Variants in SEMA6A observed in about 807,000 individuals in gnomAD.
SEMA6A encodes the protein semaphorin-6A.
A neutral mutation model predicts 96.8 loss-of-function variants in SEMA6A; 25 were observed. The observed-to-expected ratio is 0.26, with a 90% CI of 0.19 to 0.36. SEMA6A has a LOEUF of 0.36. Among genes scored for constraint, SEMA6A ranks in the 10% least tolerant of loss-of-function variants. The probability of loss-of-function intolerance (pLI) is 1.00; values close to 1 mark genes in which losing one functional copy is unlikely to be tolerated. For missense variants in SEMA6A, 1,363 were observed against 1,323.1 expected (o/e 1.03, Z -0.47); for synonymous variants, 612 against 518.0 (o/e 1.18, Z -2.46).
chr5:116,448,196 A>AAAAAAAAAAAAAAAAAAT lies in SEMA6A; in HGVS notation c.1895-386_1895-385insATTTTTTTTTTTTTTTTT, dbSNP rs780426357. On this transcript the variant is annotated intron_variant, in intron 18 of 18. Transcript: ENST00000343348. Reference sequence around the variant, plus strand: ...AAAAAAAAAAAAAAAAAAAAAAAAAATTAGCCAGGCGCGGTGGCGGGGGCT... The same window carrying AAAAAAAAAAAAAAAAAAT: ...AAAAAAAAAAAAAAAAAAAAAAAAAAAAAAAAAAAAAAAAAAATTTAGCCAGGCGCGGTGGCGGGGGCT... Among the ~76,000 whole-genome samples, 193 of 138,664 alleles carry AAAAAAAAAAAAAAAAAAT rather than the reference A, an allele frequency of 1.4e-3. 4 individuals carry two copies. The highest frequency in any genetic ancestry group is 5.2e-3 in the African/African-American group (185 of 35,624). The allele number at this position is 138,664 out of a possible 152,430, so 91.0% of individuals were successfully genotyped here.
chr5:116,547,734 T>TAA (rs34908253), intron 1 of SEMA6A, among the ~76,000 whole-genome samples: 5,679 of 65,448 alleles, frequency 0.087, 386 homozygotes, highest in African/African-American at 0.11. Context: ...ATCTGATACT[T>TAA]AAAAAAAAAA....
intron 1 of SEMA6A, among the ~76,000 whole-genome samples, chr5:116,514,282 T>C (rs1182571064): frequency 6.6e-6 from 1 of 152,198 alleles, no homozygotes; most frequent in African/African-American, 2.4e-5. Context: ...CTCCACAACC[T>C]TGCTAGTATC....
intron 1 of SEMA6A, among the ~76,000 whole-genome samples, chr5:116,569,931 G>C (rs1475772602): frequency 6.6e-6 from 1 of 152,328 alleles, no homozygotes; most frequent in East Asian, 1.9e-4. Flanking sequence ...GTCCAGGAGA[G>C]AGGTCTAAGC....
intron 18 of SEMA6A, among the ~76,000 whole-genome samples, chr5:116,452,224 A>G (rs986449587): frequency 4.6e-5 from 7 of 152,216 alleles, no homozygotes; most frequent in Non-Finnish European, 8.8e-5. Flanking sequence ...AAAATGGGGC[A>G]TTAGTAATGA....
intron 6 of SEMA6A, among the ~76,000 whole-genome samples, chr5:116,493,177 A>T (rs1757415032): frequency 6.6e-6 from 1 of 152,218 alleles, no homozygotes; most frequent in Non-Finnish European, 1.5e-5. Flanking sequence ...ATGTACAGGA[A>T]GAATAAGCCA....
chr5:116,452,424 T>C (rs570871633), intron 18 of SEMA6A, among the ~76,000 whole-genome samples: 2 of 150,774 alleles, frequency 1.3e-5, no homozygotes, highest in South Asian at 2.1e-4. Context: ...CTCCACTGTT[T>C]TTTTTTTTTT....
chr5:116,451,124 C>T (rs7707574), intron 18 of SEMA6A, among the ~76,000 whole-genome samples: 27,634 of 152,026 alleles, frequency 0.18, 2,705 homozygotes, highest in East Asian at 0.38. Context: ...CTCTGGGCCT[C>T]AGTTTTTTTA....
Position 116,446,371 on chromosome 5 carries a change from G to T in SEMA6A, c.*242C>A. 1 of 434,104 alleles carries T rather than the reference G, an allele frequency of 2.3e-6. No homozygotes were observed. Among genetic ancestry groups the T allele is most frequent in the Admixed American group, 3.9e-5 (1 of 25,416 alleles). The allele number at this position is 434,104 out of a possible 1,614,324, so 26.9% of individuals were successfully genotyped here. A position where few individuals can be genotyped will look rare whatever the true frequency, so the allele number is the denominator to read the frequency against. On this transcript the variant is annotated 3_prime_UTR_variant, in exon 19 of 19. Transcript: ENST00000343348. ...CTTTTGTGGGTCCGACCTGTTGTAG[G>T]GTGTGGGGGAAAGTGAAGGAAGAGA...
chr5:116,508,900 G>A (rs530778348), intron 1 of SEMA6A, among the ~76,000 whole-genome samples: 4 of 152,286 alleles, frequency 2.6e-5, no homozygotes, highest in African/African-American at 4.8e-5. Context: ...GGACATCAAC[G>A]TTGCTGCGTG....
At chr5:116,470,183 T>C (rs904855478) in intron 17 of SEMA6A, among the ~76,000 whole-genome samples, 2 of 152,186 alleles carry the variant, frequency 1.3e-5, no homozygotes, top group Non-Finnish European at 2.9e-5. Context: ...AGATGTGTTA[T>C]TACCTCTCCA....
At chr5:116,534,028 T>G (rs1759606889) in intron 1 of SEMA6A, among the ~76,000 whole-genome samples, 1 of 152,222 alleles carries the variant, frequency 6.6e-6, no homozygotes, top group African/African-American at 2.4e-5. Context: ...TTTCTTCCCT[T>G]GAGGGAAAAG....
chr5:116,505,383 A>G (rs949190578), intron 1 of SEMA6A, among the ~76,000 whole-genome samples: 1 of 151,914 alleles, frequency 6.6e-6, no homozygotes, highest in African/African-American at 2.4e-5. Flanking sequence ...AAATCAAAAT[A>G]CCTGCCATAC....
At chr5:116,509,297 T>C (rs774884125) in intron 1 of SEMA6A, among the ~76,000 whole-genome samples, 17 of 152,224 alleles carry the variant, frequency 1.1e-4, no homozygotes, top group Non-Finnish European at 1.8e-4. Context: ...AAGGAAATGA[T>C]AATAGTGGCA....
chr5:116,461,722 T>C (rs937197108), intron 18 of SEMA6A, among the ~76,000 whole-genome samples: 1 of 152,198 alleles, frequency 6.6e-6, no homozygotes, highest in African/African-American at 2.4e-5. Flanking sequence ...TTTTTTAAAG[T>C]CTGTGGTGTG....
chr5:116,534,478 C>T lies in SEMA6A; in HGVS notation c.-38-29496G>A, dbSNP rs539634532. On this transcript the variant is annotated intron_variant, in intron 1 of 18. Transcript: ENST00000343348. ...TCCTCAAATATCCTGGAGCACACTC[C>T]GCTCCCTCTCCCCAGTGAAGTCTTC... Among the ~76,000 whole-genome samples the T allele has an allele frequency of 7.4e-4, 112 of 152,276 alleles. 1 individual carries two copies. The highest frequency in any genetic ancestry group is 3.4e-3 in the Middle Eastern group (1 of 294).
chr5:116,453,093 A>G (rs914621812), intron 18 of SEMA6A, among the ~76,000 whole-genome samples: 1 of 152,238 alleles, frequency 6.6e-6, no homozygotes, highest in African/African-American at 2.4e-5. Flanking sequence ...GAGAGCAACA[A>G]GAACTGAGCC....
Position 116,447,680 on chromosome 5 carries a change from G to A in SEMA6A, c.2026C>T (p.His676Tyr). Residue 676 changes from histidine to tyrosine, a missense_variant, in exon 19 of 19, where the codon CAT becomes TAT. Coordinates refer to ENST00000343348, the MANE Select transcript of SEMA6A (RefSeq NM_020796.5). ...ACCACAGCCACGTCTTTGCGCCGAT[G>A]ATCACAGACGCAGTAGACGGTGATG... ...SGITVYCVCD[H>Y]RRKDVAVVQR... 1.2e-6 allele frequency: 2 copies of A among 1,614,036 alleles called. No homozygotes were observed. Among genetic ancestry groups the A allele is most frequent in the Middle Eastern group, 1.6e-4 (1 of 6,062 alleles).
intron 1 of SEMA6A, among the ~76,000 whole-genome samples, chr5:116,548,810 A>G (rs254225): frequency 0.44 from 66,224 of 152,108 alleles, 17,097 homozygotes; most frequent in East Asian, 0.65. Context: ...CAATGGCATT[A>G]TCCAATATCA....
At chr5:116,477,619 C>G (rs921444249) in intron 15 of SEMA6A, among the ~76,000 whole-genome samples, 1 of 152,196 alleles carries the variant, frequency 6.6e-6, no homozygotes, top group Non-Finnish European at 1.5e-5. Flanking sequence ...TGTTTCCATT[C>G]TGTGTTTTTA....
Sources: gnomAD v4.1 joint callset for allele counts (sites outside exome capture counted in the v4.1 genomes callset) on GRCh38, gnomAD v4.1.1 for gene constraint, MANE v1.5 for transcripts, NCBI Gene and HGNC (gene_info 2026-07-23, HGNC 2026-07-21) for gene names.